Variants in DNAJC6 observed in about 807,000 individuals in gnomAD.
DNAJC6 encodes the protein DnaJ heat shock protein family (Hsp40) member C6, also known as auxilin.
DNAJC6 carries 34 observed loss-of-function variants against 110.0 expected under a neutral mutation model. That is an observed-to-expected ratio of 0.31 (90% confidence interval 0.24 to 0.41). The LOEUF (loss-of-function observed/expected upper bound fraction) is 0.41. Among genes scored for constraint, DNAJC6 ranks in the 10% least tolerant of loss-of-function variants. The probability of loss-of-function intolerance (pLI) is 1.00; values close to 1 mark genes in which losing one functional copy is unlikely to be tolerated. For synonymous variants in DNAJC6, 406 were observed against 437.2 expected (o/e 0.93, Z 0.89); for missense variants, 1,031 against 1,207.8 (o/e 0.85, Z 2.17).
intron 1 of DNAJC6, among the ~76,000 whole-genome samples, chr1:65,311,155 C>G (rs1326360734): frequency 6.8e-6 from 1 of 146,396 alleles, no homozygotes; most frequent in Non-Finnish European, 1.5e-5. Context: ...ATGGGACATT[C>G]TCTTAGACCA....
chr1:65,298,657 C>T (rs1447592501), intron 1 of DNAJC6: 1 of 152,026 alleles, frequency 6.6e-6, no homozygotes, highest in Non-Finnish European at 1.5e-5. Context: ...ATTTCTTAGC[C>T]CACATATTCA....
At chr1:65,266,965 C>T (rs1034569316) in intron 1 of DNAJC6, among the ~76,000 whole-genome samples, 1 of 150,968 alleles carries the variant, frequency 6.6e-6, no homozygotes, top group Non-Finnish European at 1.5e-5. Flanking sequence ...GGTGCGATCT[C>T]GGCCCACTGC....
intron 5 of DNAJC6, among the ~76,000 whole-genome samples, chr1:65,380,916 G>GTTTGTTTTTTTTTTTTTTTTTTT (rs1645813167): frequency 1.1e-5 from 1 of 93,566 alleles, no homozygotes; most frequent in African/African-American, 6.6e-5. Context: ...TTTTTGTTTT[G>GTTTGTTTTTTTTTTTTTTTTTTT]TTTTGTTTTT....
At chr1:65,392,348 G>C in intron 11 of DNAJC6, 83 bp from the exon 12 acceptor site, 1 of 1,293,826 alleles carries the variant, frequency 7.7e-7, no homozygotes, top group Non-Finnish European at 1.0e-6. Flanking sequence ...CTGTCTTTCT[G>C]GAATTATATA....
chr1:65,308,061 G>A (rs1364104816), upstream of DNAJC6, among the ~76,000 whole-genome samples: 2 of 152,158 alleles, frequency 1.3e-5, no homozygotes, highest in Admixed American at 1.3e-4. Context: ...CCTTGTACAG[G>A]AAAATGTCTC....
chr1:65,302,836 G>A (rs1225014239), intron 1 of DNAJC6, among the ~76,000 whole-genome samples: 7 of 152,148 alleles, frequency 4.6e-5, no homozygotes, highest in Non-Finnish European at 1.0e-4. Context: ...CGCCCGGCCT[G>A]TCTCTTCCTT....
At chr1:65,350,430 T>A (rs1264299537) in intron 1 of DNAJC6, among the ~76,000 whole-genome samples, 2 of 152,244 alleles carry the variant, frequency 1.3e-5, no homozygotes, top group African/African-American at 4.8e-5. Context: ...AAAGTTCTTG[T>A]CTACTAATTC....
In DNAJC6 at chr1:65,392,852, A is replaced by G. The variant is rs1276937719; in HGVS notation, c.1890A>G (p.Leu630=). Residue 630 remains leucine (L), a synonymous_variant, in exon 12 of 19, where the codon CTA becomes CTG. Coordinates refer to ENST00000371069, the MANE Select transcript of DNAJC6 (RefSeq NM_001256864.2). The part of the protein sequence containing the change: ...SATSTSASPT[L]RVGEGATFDP... ...CCTCCACCTCTGCGTCTCCAACCCT[A>G]AGAGTGGGAGAAGGTAATTTTTTCT... The G allele has an allele frequency of 6.6e-7, 1 of 1,519,250 alleles. No individual in the cohort carries two copies. Among genetic ancestry groups the G allele is most frequent in the South Asian group, 1.3e-5 (1 of 74,572 alleles). 94.1% of individuals were successfully genotyped at this position (1,519,250 alleles called of 1,614,324 possible).
chr1:65,326,177 A>G (rs1489175217), intron 1 of DNAJC6, among the ~76,000 whole-genome samples: 1 of 152,192 alleles, frequency 6.6e-6, no homozygotes, highest in South Asian at 2.1e-4. Context: ...CTGGGAGAGA[A>G]CCTGGGACTG....
intron 1 of DNAJC6, among the ~76,000 whole-genome samples, chr1:65,362,760 C>G (rs918832950): frequency 7.0e-6 from 1 of 143,592 alleles, no homozygotes; most frequent in Non-Finnish European, 1.5e-5. Flanking sequence ...AAAGCCCTAC[C>G]TGGCCACTGT....
At position 65,389,435 on chromosome 1, in the gene DNAJC6, C is replaced by T. The variant is rs1645903291; in HGVS notation, c.1373C>T (p.Thr458Met). The T allele has an allele frequency of 2.5e-6, 4 of 1,613,960 alleles. No individual in the cohort carries two copies. Among genetic ancestry groups the T allele is most frequent in the African/African-American group, 1.3e-5 (1 of 74,894 alleles). Residue 458 changes from threonine (T) to methionine (M), a missense_variant, in exon 10 of 19, where the codon ACG (threonine) becomes ATG (methionine). By Grantham distance (81) the Thr-to-Met change is moderately conservative. Coordinates refer to ENST00000371069, the MANE Select transcript of DNAJC6 (RefSeq NM_001256864.2). ...LFSSHQEHQD[T>M]LALGGQAPID... ...TCTTCTCACCAGGAACATCAAGATACGCTGGCCTTAGGAGGTATGAGTCAC... is the reference window on the plus strand; with the variant it reads ...TCTTCTCACCAGGAACATCAAGATATGCTGGCCTTAGGAGGTATGAGTCAC...
chr1:65,401,157 C>G (rs1646026767), intron 14 of DNAJC6, among the ~76,000 whole-genome samples: 1 of 151,876 alleles, frequency 6.6e-6, no homozygotes, highest in South Asian at 2.1e-4. Flanking sequence ...TCTGGTAATT[C>G]CATAGTTTTG....
chr1:65,384,378 T>G (rs756431383), intron 6 of DNAJC6, 52 bp downstream of exon 6: 1 of 1,397,876 alleles, frequency 7.2e-7, no homozygotes, highest in African/African-American at 1.5e-5. Context: ...ATTGGTATCA[T>G]GTACTGTTTT....
intron 13 of DNAJC6, 142 bp from the exon 14 acceptor site, chr1:65,398,671 A>T (rs1207682362): frequency 6.8e-6 from 5 of 736,430 alleles, no homozygotes; most frequent in Non-Finnish European, 1.1e-5. Flanking sequence ...TGTGGCAAGA[A>T]CTCAGAAGGA....
rs760059960 is a variant in DNAJC6 at position 65,392,615 on chromosome 1, T to G, written c.1653T>G (p.Pro551=). 6.2e-7 allele frequency: 1 copy of G among 1,613,918 alleles called. No homozygotes were observed. The highest frequency in any genetic ancestry group is 1.1e-5 in the South Asian group (1 of 91,012). Residue 551 remains proline (P), a synonymous_variant, in exon 12 of 19, where the codon CCT becomes CCG. Coordinates refer to ENST00000371069, the MANE Select transcript of DNAJC6 (RefSeq NM_001256864.2). The stretch of plus-strand genomic sequence containing the variant: ...AGGAGCCAGCAGCCCCTCCACCCCC[T>G]GAGGATGTGGACCTTTTGGGCCTGG... ...KQQEPAAPPP[P]EDVDLLGLEG...
intron 1 of DNAJC6, among the ~76,000 whole-genome samples, chr1:65,319,273 C>A (rs562544765): frequency 3.3e-4 from 50 of 152,328 alleles, no homozygotes; most frequent in Non-Finnish European, 4.4e-5. Flanking sequence ...TAGCTTGGCA[C>A]AAGCTTTCAC....
At chr1:65,314,966 G>A (rs10889542) in intron 1 of DNAJC6, among the ~76,000 whole-genome samples, 121,470 of 152,274 alleles carry the variant, frequency 0.8, 49,203 homozygotes, top group African/African-American at 0.95. Flanking sequence ...ACCAAATCTC[G>A]GAAAGTTGGC....
At chr1:65,264,802 G>T in exon 1 of DNAJC6, 1 of 1,548,480 alleles carries the variant, frequency 6.5e-7, no homozygotes, top group Admixed American at 2.1e-5. Context: ...CTCCTCCGTT[G>T]AGAGACTTCG....
At chr1:65,408,833 G>A in intron 17 of DNAJC6, 50 bp downstream of exon 17, 1 of 1,593,488 alleles carries the variant, frequency 6.3e-7, no homozygotes, top group Non-Finnish European at 8.5e-7. Context: ...ACAAAGTCAT[G>A]TGATAAAGTC....
Sources: gnomAD v4.1 joint callset for allele counts (sites outside exome capture counted in the v4.1 genomes callset) on GRCh38, gnomAD v4.1.1 for gene constraint, MANE v1.5 for transcripts, NCBI Gene and HGNC (gene_info 2026-07-23, HGNC 2026-07-21) for gene names.